Variants in GLDC observed in about 807,000 individuals in gnomAD.
GLDC encodes the protein glycine dehydrogenase (decarboxylating), mitochondrial.
A neutral mutation model predicts 121.3 loss-of-function variants in GLDC; 104 were observed. That is an observed-to-expected ratio of 0.86 (90% CI 0.73 to 1.01). The LOEUF (loss-of-function observed/expected upper bound fraction) is 1.01. Ranked by LOEUF, GLDC falls within the 50% of genes least tolerant of loss-of-function variation. GLDC has a pLI of 0.00. For missense variants in GLDC, 1,429 were observed against 1,306.6 expected, an observed-to-expected ratio of 1.09 and a Z score of -1.44; for synonymous variants, 546 against 480.6, an observed-to-expected ratio of 1.14 and a Z score of -1.78.
At chr9:6,633,858 C>T (rs1480247658) in intron 2 of GLDC, among the ~76,000 whole-genome samples, 1 of 102,788 alleles carries the variant, frequency 9.7e-6, no homozygotes, top group African/African-American at 4.1e-5. Flanking sequence ...GAGACGGAGT[C>T]TCACTCTGTC....
chr9:6,545,562 G>A (rs1174848531), intron 21 of GLDC, among the ~76,000 whole-genome samples: 2 of 152,180 alleles, frequency 1.3e-5, no homozygotes, highest in Non-Finnish European at 2.9e-5. Flanking sequence ...CATAGACTTT[G>A]TGAACGCTGT....
chr9:6,642,831 C>T (rs1819655136), intron 2 of GLDC, among the ~76,000 whole-genome samples: 1 of 152,130 alleles, frequency 6.6e-6, no homozygotes, highest in African/African-American at 2.4e-5. Context: ...AAATACCCTG[C>T]TTTAAAGATA....
At chr9:6,554,388 G>A (rs1467186945) in intron 19 of GLDC, among the ~76,000 whole-genome samples, 1 of 152,198 alleles carries the variant, frequency 6.6e-6, no homozygotes, top group Non-Finnish European at 1.5e-5. Context: ...ATGCTCAGGT[G>A]AAGTTCCCTA....
intron 21 of GLDC, among the ~76,000 whole-genome samples, chr9:6,544,511 G>A (rs967432458): frequency 2.0e-5 from 3 of 152,102 alleles, no homozygotes; most frequent in Admixed American, 6.6e-5. Context: ...GAGTGCAGTG[G>A]CGGGCACCTG....
intron 19 of GLDC, 93 bp downstream of exon 19, chr9:6,554,576 A>G: frequency 1.1e-6 from 1 of 895,422 alleles, no homozygotes; most frequent in Non-Finnish European, 1.8e-6. Context: ...TATCCTCAAC[A>G]CATGAAGACT....
intron 3 of GLDC, among the ~76,000 whole-genome samples, chr9:6,613,471 A>G (rs1352716166): frequency 3.3e-5 from 5 of 152,202 alleles, no homozygotes; most frequent in Admixed American, 3.3e-4. Flanking sequence ...ACTAAAAATA[A>G]AAGAAGTTTT....
intron 15 of GLDC, among the ~76,000 whole-genome samples, chr9:6,566,692 A>T (rs1817861587): frequency 6.6e-6 from 1 of 152,256 alleles, no homozygotes; most frequent in Non-Finnish European, 1.5e-5. Context: ...AAGGGAAATG[A>T]GTAATAGATG....
At chr9:6,539,727 G>T (rs971284446) in intron 22 of GLDC, among the ~76,000 whole-genome samples, 4 of 152,148 alleles carry the variant, frequency 2.6e-5, no homozygotes, top group South Asian at 4.1e-4. Flanking sequence ...AATGCCATTT[G>T]TCTCTACCAC....
intron 3 of GLDC, among the ~76,000 whole-genome samples, chr9:6,616,868 G>A (rs939537297): frequency 6.6e-6 from 1 of 152,206 alleles, no homozygotes; most frequent in East Asian, 1.9e-4. Flanking sequence ...GGGGGTTATG[G>A]GGGTTTGCAG....
At position 6,592,841 on chromosome 9, in the gene GLDC, T is replaced by G; in HGVS notation, c.1401+10A>C. 1.2e-6 allele frequency: 2 copies of G among 1,611,818 alleles called. No individual in the cohort carries two copies. The highest frequency in any genetic ancestry group is 1.7e-6 in the Non-Finnish European group (2 of 1,179,254). ...GAAAAACTGGTAAAAATACTGAAAA[T>G]TTGACTTACTGTGCCATCCTCAAAA... On this transcript the variant is annotated intron_variant, in intron 10 of 24. Transcript: ENST00000321612.
intron 8 of GLDC, among the ~76,000 whole-genome samples, chr9:6,597,550 G>T (rs1818514240): frequency 6.6e-6 from 1 of 151,978 alleles, no homozygotes; most frequent in Admixed American, 6.6e-5. Flanking sequence ...GGGCAACAAA[G>T]TAAGACTCCC....
chr9:6,543,897 G>GC (rs1243982138), intron 21 of GLDC, among the ~76,000 whole-genome samples: 5 of 151,678 alleles, frequency 3.3e-5, no homozygotes, highest in Non-Finnish European at 5.9e-5. Flanking sequence ...ACAGGAGGGG[G>GC]GGGGATGAAG....
intron 15 of GLDC, among the ~76,000 whole-genome samples, chr9:6,572,432 G>C (rs1200090301): frequency 6.6e-6 from 1 of 152,186 alleles, no homozygotes; most frequent in Non-Finnish European, 1.5e-5. Context: ...GTGTGGGAAT[G>C]CAGAGCCTTT....
chr9:6,621,288 G>A (rs550227200), intron 2 of GLDC, among the ~76,000 whole-genome samples: 4 of 152,082 alleles, frequency 2.6e-5, no homozygotes, highest in South Asian at 4.1e-4. Context: ...ACCCTTTCTC[G>A]GGTCATTCAT....
chr9:6,554,569 C>T, intron 19 of GLDC, 100 bp downstream of exon 19: 1 of 859,812 alleles, frequency 1.2e-6, no homozygotes, highest in Non-Finnish European at 1.9e-6. Context: ...ATGAGGGTAT[C>T]CTCAACACAT....
chr9:6,584,112 T>G (rs755246406), intron 15 of GLDC, among the ~76,000 whole-genome samples: 48 of 152,362 alleles, frequency 3.2e-4, no homozygotes, highest in Non-Finnish European at 6.0e-4. Context: ...TATGCTATGG[T>G]TATATCTGAA....
In GLDC at chr9:6,603,213, G is replaced by C. The variant is rs553284548; in HGVS notation, c.1059-1008C>G. ...ACTGCACTCCAGCCTGGGTGACAGA[G>C]AGAGACTCCGTCTCAAAAAATAAAA... On this transcript the variant is annotated intron_variant, in intron 7 of 24. Coordinates refer to ENST00000321612, the MANE Select transcript of GLDC (RefSeq NM_000170.3). Among the ~76,000 whole-genome samples, 88 of 150,638 alleles carry C rather than the reference G, an allele frequency of 5.8e-4. 1 individual carries two copies. The highest frequency in any genetic ancestry group is 9.9e-4 in the Non-Finnish European group (67 of 67,860).
At chr9:6,600,221 A>G (rs1274980149) in intron 8 of GLDC, among the ~76,000 whole-genome samples, 1 of 152,102 alleles carries the variant, frequency 6.6e-6, no homozygotes, top group Non-Finnish European at 1.5e-5. Context: ...TTTGAAAATT[A>G]GCTGGGCGTG....
intron 15 of GLDC, among the ~76,000 whole-genome samples, chr9:6,572,890 A>G (rs1817992862): frequency 6.6e-6 from 1 of 152,164 alleles, no homozygotes; most frequent in South Asian, 2.1e-4. Context: ...AATGTTTCCT[A>G]CAACAAGATC....
Sources: allele counts gnomAD v4.1 joint callset (sites outside exome capture counted in the v4.1 genomes callset), GRCh38; gene constraint gnomAD v4.1.1; transcripts MANE v1.5; gene names NCBI Gene and HGNC (gene_info 2026-07-23, HGNC 2026-07-21).